Variants in ADH1B observed in about 807,000 individuals in gnomAD.
The protein encoded by ADH1B is alcohol dehydrogenase 1B (class I), beta polypeptide, also known as all-trans-retinol dehydrogenase [NAD(+)] ADH1B.
A neutral mutation model predicts 34.6 loss-of-function variants in ADH1B; 29 were observed. That is an observed-to-expected ratio of 0.84 (90% CI 0.62 to 1.14). The LOEUF (loss-of-function observed/expected upper bound fraction) is 1.14, where lower values mean the gene tolerates loss of function less well. Ranked by LOEUF, ADH1B falls within the 50% of genes most tolerant of loss-of-function variation. The pLI is 0.00. For missense variants in ADH1B, 424 were observed against 468.4 expected (o/e 0.91, Z 0.87); for synonymous variants, 170 against 175.5 (o/e 0.97, Z 0.25).
chr4:99,314,128 A>G (rs1365739772), intron 5 of ADH1B, 47 bp from the exon 6 acceptor site: 1 of 1,602,812 alleles, frequency 6.2e-7, no homozygotes, highest in African/African-American at 1.3e-5. Flanking sequence ...TGATTGTTAG[A>G]AAGTGCCTAA....
chr4:99,314,212 C>G (rs1350409099), intron 5 of ADH1B, 131 bp from the exon 6 acceptor site: 1 of 1,430,288 alleles, frequency 7.0e-7, no homozygotes, highest in Non-Finnish European at 9.4e-7. Flanking sequence ...TTATCAAAAC[C>G]TCTTTTGGCT....
intron 2 of ADH1B, 32 bp downstream of exon 2, chr4:99,318,753 T>C: frequency 6.3e-7 from 1 of 1,580,518 alleles, no homozygotes; most frequent in Non-Finnish European, 8.6e-7. Context: ...TTTTTAAATG[T>C]AAAATGAAAT....
intron 8 of ADH1B, among the ~76,000 whole-genome samples, chr4:99,309,318 G>A (rs116431679): frequency 0.018 from 2,788 of 152,172 alleles, 84 homozygotes; most frequent in African/African-American, 0.063. Context: ...TTTTCCAAAA[G>A]TATGTATCAA....
intron 8 of ADH1B, among the ~76,000 whole-genome samples, chr4:99,308,962 T>TATA (rs1353659046): frequency 2.0e-5 from 3 of 151,758 alleles, no homozygotes; most frequent in Non-Finnish European, 4.4e-5. Flanking sequence ...AAACTTAAAG[T>TATA]ATAATAATAA....
At chr4:99,311,753 G>A in intron 6 of ADH1B, 97 bp from the exon 7 acceptor site, 2 of 1,510,368 alleles carry the variant, frequency 1.3e-6, no homozygotes, top group East Asian at 2.3e-5. Context: ...TGGATTGTGA[G>A]TGTGTAGAGG....
chr4:99,321,002 T>G, intron 1 of ADH1B: 1 of 917,550 alleles, frequency 1.1e-6, no homozygotes, highest in South Asian at 1.7e-5. Flanking sequence ...TAAAGACTTT[T>G]CTAACTTTAG....
chr4:99,318,823 C>T lies in ADH1B; in HGVS notation c.82G>A (p.Glu28Lys). The change falls in exon 2 of 9, where the codon GAG becomes AAG. Residue 28 changes from glutamate to lysine, a missense_variant. This residue lies in a region of ADH1B where 291 missense variants were observed against 300.4 expected (regional missense o/e 0.97). Coordinates refer to ENST00000305046, the MANE Select transcript of ADH1B (RefSeq NM_000668.6). ...TCATAAGCCTTAGGAGGTGCAACCT[C>T]CACATCCTCAATGGAAAAGGGTTTC... ...VKKPFSIEDV[E>K]VAPPKAYEVR... 5 of 1,613,890 alleles carry T rather than the reference C, an allele frequency of 3.1e-6. No individual in the cohort carries two copies. Among genetic ancestry groups the T allele is most frequent in the Non-Finnish European group, 4.2e-6 (5 of 1,179,878 alleles).
Position 99,316,259 on chromosome 4 carries a change from G to C in ADH1B, c.303C>G (p.Cys101Trp). 1.2e-6 allele frequency: 2 copies of C among 1,614,190 alleles called. No individual in the cohort carries two copies. Among genetic ancestry groups the C allele is most frequent in the Non-Finnish European group, 1.7e-6 (2 of 1,180,032 alleles). Reference protein sequence around the residue: ...IPLFTPQCGKCRVCKNPESNY... With the variant: ...IPLFTPQCGKWRVCKNPESNY... Reference sequence around the variant, plus strand: ...TGCTCTCCGGGTTTTTACAAACTCTGCATTTTCCACACTGAGGAGTAAAGA... The same window carrying C: ...TGCTCTCCGGGTTTTTACAAACTCTCCATTTTCCACACTGAGGAGTAAAGA... The change falls in exon 4 of 9, where the codon TGC becomes TGG. Residue 101 changes from cysteine to tryptophan, a missense_variant. Cys to Trp is a radical substitution (Grantham distance 215). Coordinates refer to ENST00000305046, the MANE Select transcript of ADH1B (RefSeq NM_000668.6).
intron 5 of ADH1B, 72 bp from the exon 6 acceptor site, chr4:99,314,153 C>T: frequency 6.3e-7 from 1 of 1,575,226 alleles, no homozygotes; most frequent in Admixed American, 1.8e-5. Flanking sequence ...CATAAAGTGC[C>T]ATGCGTAGGT....
intron 7 of ADH1B, 150 bp downstream of exon 7, chr4:99,311,371 T>C (rs1304340360): frequency 2.0e-6 from 2 of 1,003,618 alleles, no homozygotes; most frequent in Non-Finnish European, 1.4e-6. Flanking sequence ...TTGGAGACTG[T>C]AGATAGAAAA....
At chr4:99,319,223 GAT>G (rs1733961750) in intron 1 of ADH1B, 1 of 371,976 alleles carries the variant, frequency 2.7e-6, no homozygotes, top group Non-Finnish European at 5.1e-6. Context: ...ACTATTAGCT[GAT>G]ATATGAAGTT....
chr4:99,314,147 A>C, intron 5 of ADH1B, 66 bp from the exon 6 acceptor site: 1 of 1,587,126 alleles, frequency 6.3e-7, no homozygotes, highest in Non-Finnish European at 8.6e-7. Flanking sequence ...AAGCTTCATA[A>C]AGTGCCATGC....
At chr4:99,321,266 T>C (rs763468373) in intron 1 of ADH1B, 48 bp downstream of exon 1, 2 of 1,491,288 alleles carry the variant, frequency 1.3e-6, no homozygotes, top group South Asian at 2.3e-5. Flanking sequence ...CCTTTCTTTG[T>C]TATATTGATG....
intron 3 of ADH1B, 84 bp downstream of exon 3, chr4:99,317,962 T>C (rs745941629): frequency 4.1e-5 from 65 of 1,572,058 alleles, no homozygotes; most frequent in Middle Eastern, 2.2e-4. Flanking sequence ...AGCACTTTCG[T>C]CTCTCATTGC....
chr4:99,317,247 A>G (rs1213914621), intron 3 of ADH1B: 1 of 152,182 alleles, frequency 6.6e-6, no homozygotes, highest in South Asian at 2.1e-4. Flanking sequence ...ATCAAGAAAA[A>G]TTGTTGGTGC....
chr4:99,315,888 T>G lies in ADH1B; in HGVS notation c.567+10A>C. ...ATGTAAGCAGTTTTATCACCCATTG[T>G]CATTCTCACCTTGGCAACGTTAACT... is the stretch of plus-strand genomic sequence containing the variant. On this transcript the variant is annotated intron_variant, in intron 5 of 8. Transcript: ENST00000305046. 1.2e-6 allele frequency: 2 copies of G among 1,614,206 alleles called. No homozygotes were observed. The highest frequency in any genetic ancestry group is 1.7e-6 in the Non-Finnish European group (2 of 1,180,028).
At chr4:99,310,721 A>G (rs1445299321) in intron 8 of ADH1B, 44 bp downstream of exon 8, 5 of 1,590,490 alleles carry the variant, frequency 3.1e-6, no homozygotes, top group South Asian at 2.3e-5. Flanking sequence ...ACAATCCCCT[A>G]TGGTAGAAAA....
At chr4:99,315,498 C>T (rs1489757049) in intron 5 of ADH1B, 5 of 276,552 alleles carry the variant, frequency 1.8e-5, no homozygotes, top group Non-Finnish European at 2.8e-5. Context: ...AGGAGAGGAT[C>T]CACAGACTAG....
intron 3 of ADH1B, chr4:99,317,614 C>T (rs550195110): frequency 8.7e-5 from 14 of 160,340 alleles, no homozygotes; most frequent in Non-Finnish European, 1.6e-4. Context: ...AGCCATGTAG[C>T]CTCCATTTTG....
Sources: gnomAD v4.1 joint callset for allele counts (sites outside exome capture counted in the v4.1 genomes callset) on GRCh38, gnomAD v4.1.1 for gene constraint, gnomAD v4.1.1 regional missense constraint, MANE v1.5 for transcripts, NCBI Gene and HGNC (gene_info 2026-07-23, HGNC 2026-07-21) for gene names.